Variants in TRPC4 observed in about 807,000 individuals in gnomAD.
TRPC4 encodes the protein transient receptor potential cation channel subfamily C member 4, also known as short transient receptor potential channel 4.
A neutral mutation model predicts 99.4 loss-of-function variants in TRPC4; 49 were observed. That is an observed-to-expected ratio of 0.49 (90% confidence interval 0.39 to 0.63). TRPC4 has a LOEUF of 0.63. Ranked by LOEUF, TRPC4 falls within the 20% of genes least tolerant of loss-of-function variation. TRPC4 has a pLI of 0.00. For synonymous variants in TRPC4, 454 were observed against 425.9 expected, an observed-to-expected ratio of 1.07 and a Z score of -0.81; for missense variants, 898 against 1,152.9, an observed-to-expected ratio of 0.78 and a Z score of 3.20.
chr13:37,803,837 G>GCTCCAAGC (rs112655670), intron 1 of TRPC4, among the ~76,000 whole-genome samples: 2,830 of 152,188 alleles, frequency 0.019, 47 homozygotes, highest in Middle Eastern at 0.054. Context: ...AGGCTCCAAG[G>GCTCCAAGC]CTGGAAGGAA....
chr13:37,860,722 G>T (rs1281223688), intron 1 of TRPC4, among the ~76,000 whole-genome samples: 4 of 151,408 alleles, frequency 2.6e-5, no homozygotes, highest in Admixed American at 2.6e-4. Context: ...ACCCTACTAT[G>T]GTTGAGGCAG....
chr13:37,663,834 T>C, intron 5 of TRPC4, 105 bp from the exon 6 acceptor site: 3 of 1,089,140 alleles, frequency 2.8e-6, no homozygotes, highest in Non-Finnish European at 1.3e-6. Flanking sequence ...ACAAAATAAT[T>C]GATGACTTTG....
At chr13:37,787,472 A>G (rs569561342) in intron 1 of TRPC4, among the ~76,000 whole-genome samples, 1 of 152,196 alleles carries the variant, frequency 6.6e-6, no homozygotes, top group Admixed American at 6.6e-5. Context: ...TACTCCACAT[A>G]AAAGCATAAT....
At chr13:37,738,905 T>C (rs1955492521) in intron 3 of TRPC4, among the ~76,000 whole-genome samples, 1 of 150,842 alleles carries the variant, frequency 6.6e-6, no homozygotes, top group Non-Finnish European at 1.5e-5. Context: ...AGATTTATGA[T>C]GACCCAAACT....
chr13:37,694,622 T>C (rs1349127582), intron 3 of TRPC4, among the ~76,000 whole-genome samples: 3 of 152,228 alleles, frequency 2.0e-5, no homozygotes, highest in African/African-American at 7.2e-5. Context: ...TTAGCCATGA[T>C]TTTTTATTTA....
intron 1 of TRPC4, among the ~76,000 whole-genome samples, chr13:37,816,660 A>T (rs1285242082): frequency 6.6e-6 from 1 of 151,870 alleles, no homozygotes; most frequent in Non-Finnish European, 1.5e-5. Flanking sequence ...AGTAGCACAT[A>T]AAAAAAGCTA....
rs201047568 is a variant in TRPC4 at position 37,811,278 on chromosome 13, G to C, written c.-27-27918C>G. Reference sequence around the variant, plus strand: ...TGTAGAACTATGATTCCAGCCAAGAGAATACACTCCCACTTAAAATAACAA... The same window carrying C: ...TGTAGAACTATGATTCCAGCCAAGACAATACACTCCCACTTAAAATAACAA... On this transcript the variant is annotated intron_variant, in intron 1 of 10. Transcript: ENST00000379705. Among the ~76,000 whole-genome samples, 17 of 152,110 alleles carry C rather than the reference G, an allele frequency of 1.1e-4. No homozygotes were observed. The East Asian group carries it at 2.7e-3, about 24-fold the overall frequency.
At chr13:37,748,094 G>T (rs1955835025) in intron 2 of TRPC4, among the ~76,000 whole-genome samples, 1 of 152,068 alleles carries the variant, frequency 6.6e-6, no homozygotes, top group Admixed American at 6.6e-5. Context: ...TGTTCAGAAT[G>T]GTGCAAAATT....
chr13:37,787,607 T>G (rs1924378), intron 1 of TRPC4, among the ~76,000 whole-genome samples: 80,496 of 151,750 alleles, frequency 0.53, 21,818 homozygotes, highest in Middle Eastern at 0.58. Context: ...CTGAACTGTT[T>G]TGTGACTTAG....
chr13:37,642,077 C>T (rs1951731132), intron 8 of TRPC4, among the ~76,000 whole-genome samples: 1 of 152,128 alleles, frequency 6.6e-6, no homozygotes, highest in Admixed American at 6.5e-5. Context: ...GCATTTCCTT[C>T]AGCTAAATCG....
intron 4 of TRPC4, among the ~76,000 whole-genome samples, chr13:37,675,672 A>G (rs1317248963): frequency 1.3e-5 from 2 of 152,190 alleles, no homozygotes; most frequent in Non-Finnish European, 2.9e-5. Flanking sequence ...GTTTACAGCA[A>G]TACCATTAGA....
At chr13:37,664,779 C>T (rs1296133180) in intron 5 of TRPC4, among the ~76,000 whole-genome samples, 2 of 152,010 alleles carry the variant, frequency 1.3e-5, no homozygotes, top group African/African-American at 4.8e-5. Context: ...GTTTTTTATT[C>T]TTTTTATAGC....
At chr13:37,817,588 C>T (rs1305736893) in intron 1 of TRPC4, among the ~76,000 whole-genome samples, 1 of 151,182 alleles carries the variant, frequency 6.6e-6, no homozygotes, top group Non-Finnish European at 1.5e-5. Context: ...GGAAAACAAA[C>T]AAACAAACAA....
chr13:37,750,432 C>G (rs550593975), intron 2 of TRPC4, among the ~76,000 whole-genome samples: 1 of 151,786 alleles, frequency 6.6e-6, no homozygotes, highest in African/African-American at 2.4e-5. Flanking sequence ...TATATTTATG[C>G]CATTTGCAAA....
At chr13:37,700,870 T>C (rs1954082382) in intron 3 of TRPC4, among the ~76,000 whole-genome samples, 1 of 152,166 alleles carries the variant, frequency 6.6e-6, no homozygotes, top group African/African-American at 2.4e-5. Context: ...TGCTCTCTAA[T>C]CTCTTTTCTG....
At chr13:37,659,756 A>G (rs962721034) in intron 6 of TRPC4, among the ~76,000 whole-genome samples, 6 of 152,102 alleles carry the variant, frequency 3.9e-5, no homozygotes, top group South Asian at 4.1e-4. Flanking sequence ...AGATAATAGG[A>G]GCAGGAACAG....
chr13:37,781,503 T>C (rs4943536), intron 2 of TRPC4, among the ~76,000 whole-genome samples: 79,078 of 151,836 alleles, frequency 0.52, 21,136 homozygotes, highest in East Asian at 0.78. Context: ...GTGTTCTGTA[T>C]CTCCTTAGTG....
rs139804207 is a variant in TRPC4, at chr13:37,764,432, T to C, written c.379-17977A>G. The stretch of plus-strand genomic sequence containing the variant: ...TTCATTTGAATTTTATATATTAATA[T>C]TTTATGTTATGACTCATAAACTTTC... On this transcript the variant is annotated intron_variant, in intron 2 of 10. Transcript: ENST00000379705. Among the ~76,000 whole-genome samples, 180 of 151,464 alleles carry C rather than the reference T, an allele frequency of 1.2e-3. No homozygotes were observed. In the East Asian group the frequency reaches 0.033, roughly 28 times the overall value.
At chr13:37,698,621 G>C (rs1953999368) in intron 3 of TRPC4, among the ~76,000 whole-genome samples, 1 of 152,094 alleles carries the variant, frequency 6.6e-6, no homozygotes, top group South Asian at 2.1e-4. Context: ...TTGCATAGAA[G>C]TCACACAAGC....
Sources: gnomAD v4.1 joint callset for allele counts (sites outside exome capture counted in the v4.1 genomes callset) on GRCh38, gnomAD v4.1.1 for gene constraint, MANE v1.5 for transcripts, NCBI Gene and HGNC (gene_info 2026-07-23, HGNC 2026-07-21) for gene names.